The following ZNF462 variants were observed in gnomAD, a reference collection of about 807,000 sequenced individuals.
The protein encoded by ZNF462 is zinc finger protein 462, also known as zinc finger PBX1-interacting protein.
ZNF462 carries 10 observed loss-of-function variants against 201.9 expected under a neutral mutation model. The ratio of observed to expected loss-of-function variants is 0.05; its 90% CI spans 0.03 to 0.08. The LOEUF is 0.08. ZNF462 is among the 10% of genes least tolerant of loss of function. The pLI is 1.00. For missense variants in ZNF462, 2,523 were observed against 3,168.3 expected, an observed-to-expected ratio of 0.80 and a Z score of 4.89; for synonymous variants, 1,227 against 1,193.3, an observed-to-expected ratio of 1.03 and a Z score of -0.58.
chr9:106,898,343 C>T (rs1254251369), intron 1 of ZNF462, among the ~76,000 whole-genome samples: 1 of 152,166 alleles, frequency 6.6e-6, no homozygotes, highest in African/African-American at 2.4e-5. Context: ...GGGTCTACCC[C>T]AGCCTTGAGG....
Position 107,011,003 on chromosome 9 carries a change from G to A in ZNF462, c.7494G>A (p.Leu2498=). The part of the protein sequence containing the change: ...ICVVTADKSL[L]ENAEAKKE ...TAGTAACTGCCGACAAATCTCTCCT[G>A]GAGAATGCAGAGGCCAAAAAAGAAT... Residue 2498 remains leucine (L), a synonymous_variant, in exon 13 of 13, where the codon CTG becomes CTA. Coordinates refer to ENST00000277225, the MANE Select transcript of ZNF462 (RefSeq NM_021224.6). This position sits in a 1 kb window ranked among gnomAD's most constrained non-coding sequence, Gnocchi z 5.6. 6.2e-7 allele frequency: 1 copy of A among 1,613,588 alleles called. No homozygotes were observed. The highest frequency in any genetic ancestry group is 8.5e-7 in the Non-Finnish European group (1 of 1,179,858).
At chr9:106,988,889 A>G (rs1828053943) in intron 10 of ZNF462, among the ~76,000 whole-genome samples, 1 of 152,126 alleles carries the variant, frequency 6.6e-6, no homozygotes, top group Admixed American at 6.6e-5. Context: ...TTAATCTTGT[A>G]TCTGGAAACT....
intron 10 of ZNF462, among the ~76,000 whole-genome samples, chr9:106,988,389 A>T (rs1382098103): frequency 6.6e-6 from 1 of 151,870 alleles, no homozygotes; most frequent in African/African-American, 2.4e-5. Flanking sequence ...CTCCCACCAG[A>T]CCCCTCCCAC....
rs1828533016 is a variant in ZNF462, at chr9:106,890,566, T to G, written c.-31+27211T>G. 6.6e-6 allele frequency among the ~76,000 whole-genome samples: 1 copy of G among 152,208 alleles called. No individual in the cohort carries two copies. Among genetic ancestry groups the G allele is most frequent in the Non-Finnish European group, 1.5e-5 (1 of 68,042 alleles). The stretch of plus-strand genomic sequence containing the variant: ...TCAACTCCATTTGTAGTGAGAAACA[T>G]TTGAAGCTTGTCCCCACTCAACAAT... On this transcript the variant is annotated intron_variant, in intron 1 of 12. Transcript: ENST00000277225. The surrounding 1 kb of genome is among the most constrained non-coding windows in gnomAD (Gnocchi z 4.2).
At position 106,895,577 on chromosome 9, in the gene ZNF462, T is replaced by G. The variant is rs1828776232; in HGVS notation, c.-30-27777T>G. Among the ~76,000 whole-genome samples the G allele has an allele frequency of 6.6e-6, 1 of 152,160 alleles. No homozygotes were observed. Among genetic ancestry groups the G allele is most frequent in the African/African-American group, 2.4e-5 (1 of 41,450 alleles). On this transcript the variant is annotated intron_variant, in intron 1 of 12. Transcript: ENST00000277225. The surrounding 1 kb of genome is among the most constrained non-coding windows in gnomAD (Gnocchi z 4.4). ...GGATGATAAGAGATCCCTGTTTCTG[T>G]CCGAATGAAGGGAGGGAGGGAAGGC...
chr9:107,002,826 G>C (rs755433082), intron 10 of ZNF462, among the ~76,000 whole-genome samples: 1 of 152,196 alleles, frequency 6.6e-6, no homozygotes, highest in Admixed American at 6.5e-5. Context: ...GCAACACCCT[G>C]GTTGATGGGA....
intron 1 of ZNF462, among the ~76,000 whole-genome samples, chr9:106,909,835 GA>G (rs1829468258): frequency 6.6e-6 from 1 of 152,096 alleles, no homozygotes; most frequent in South Asian, 2.1e-4. Flanking sequence ...CCATTTTACT[GA>G]TTCAGTCTTA....
chr9:106,930,438 ATAAAG>A lies in ZNF462; in HGVS notation c.5848-84_5848-80del. On this transcript the variant is annotated intron_variant, in intron 3 of 12. Coordinates refer to ENST00000277225, the MANE Select transcript of ZNF462 (RefSeq NM_021224.6). The surrounding 1 kb of genome is among the most constrained non-coding windows in gnomAD (Gnocchi z 5.8). The stretch of plus-strand genomic sequence containing the variant: ...TTTTAACCTGCTAATCGGCTTTAAA[ATAAAG>A]TATGTTAGTAAACTGCAAGAATAAA... 6.5e-7 allele frequency: 1 copy of A among 1,531,596 alleles called. No individual in the cohort carries two copies. The highest frequency in any genetic ancestry group is 1.9e-5 in the Admixed American group (1 of 51,912). The allele number at this position is 1,531,596 out of a possible 1,614,324, so 94.9% of individuals were successfully genotyped here.
At position 107,011,184 on chromosome 9, in the gene ZNF462, TGTGA is replaced by T. The variant is rs1829908451; in HGVS notation, c.*161_*164del. 8 of 638,032 alleles carry T rather than the reference TGTGA, an allele frequency of 1.3e-5. No homozygotes were observed. The highest frequency in any genetic ancestry group is 1.0e-4 in the South Asian group (5 of 49,824). The allele number at this position is 638,032 out of a possible 1,614,324, so 39.5% of individuals were successfully genotyped here. Reference sequence around the variant, plus strand: ...TCTATTTTCAAAGCACTGGTACCTGTGTGAGTGAGTATGTAAATTAAAGTTATTT... The same window carrying T: ...TCTATTTTCAAAGCACTGGTACCTGTGTGAGTATGTAAATTAAAGTTATTT... On this transcript the variant is annotated 3_prime_UTR_variant, in exon 13 of 13. Coordinates refer to ENST00000277225, the MANE Select transcript of ZNF462 (RefSeq NM_021224.6). This position sits in a 1 kb window ranked among gnomAD's most constrained non-coding sequence, Gnocchi z 5.6.
intron 10 of ZNF462, among the ~76,000 whole-genome samples, chr9:107,001,115 A>G (rs1829155127): frequency 6.6e-6 from 1 of 152,156 alleles, no homozygotes; most frequent in Admixed American, 6.6e-5. Context: ...GAAGTGCAGG[A>G]GAAAGTGGCC....
chr9:106,938,187 T>A lies in ZNF462; in HGVS notation c.6236-729T>A, dbSNP rs966281064. Among the ~76,000 whole-genome samples, 4 of 152,230 alleles carry A rather than the reference T, an allele frequency of 2.6e-5. No individual in the cohort carries two copies. The highest frequency in any genetic ancestry group is 5.9e-5 in the Non-Finnish European group (4 of 68,044). On this transcript the variant is annotated intron_variant, in intron 6 of 12. Coordinates refer to ENST00000277225, the MANE Select transcript of ZNF462 (RefSeq NM_021224.6). The surrounding 1 kb of genome is among the most constrained non-coding windows in gnomAD (Gnocchi z 4.4). The stretch of plus-strand genomic sequence containing the variant: ...ATAAAATTAATTTTAAAAGTAGTGC[T>A]TATTTTTACTGAGAGGCAGTCTTTA...
chr9:106,995,769 C>G (rs1179613775), intron 10 of ZNF462: 3 of 152,124 alleles, frequency 2.0e-5, no homozygotes, highest in East Asian at 3.8e-4. Context: ...CTTTTATTCT[C>G]TCATTAACAA....
chr9:106,970,293 A>G lies in ZNF462; in HGVS notation c.6428-1712A>G, dbSNP rs1177355544. Among the ~76,000 whole-genome samples the G allele has an allele frequency of 1.3e-5, 2 of 152,112 alleles. No homozygotes were observed. The highest frequency in any genetic ancestry group is 1.5e-5 in the Non-Finnish European group (1 of 68,022). ...TGTGTGTGTGGCAGGTTTGTTTACA[A>G]TTTCCAAAGGGGTTTTTCTCAATCT... On this transcript the variant is annotated intron_variant, in intron 7 of 12. Transcript: ENST00000277225. This position sits in a 1 kb window ranked among gnomAD's most constrained non-coding sequence, Gnocchi z 4.2.
Position 106,984,769 on chromosome 9 carries a change from A to G in ZNF462, c.7056+360A>G, listed in dbSNP as rs1032924642. ...CTTATTCTAAAAGAAGTATTTTGCTATGTTATTTGAAATGTTAATACATTT... is the reference window on the plus strand; with the variant it reads ...CTTATTCTAAAAGAAGTATTTTGCTGTGTTATTTGAAATGTTAATACATTT... On this transcript the variant is annotated intron_variant, in intron 10 of 12. Coordinates refer to ENST00000277225, the MANE Select transcript of ZNF462 (RefSeq NM_021224.6). The surrounding 1 kb of genome is among the most constrained non-coding windows in gnomAD (Gnocchi z 6.4). 3.9e-5 allele frequency among the ~76,000 whole-genome samples: 6 copies of G among 152,230 alleles called. No individual in the cohort carries two copies. The highest frequency in any genetic ancestry group is 6.5e-5 in the Admixed American group (1 of 15,276).
intron 8 of ZNF462, 150 bp from the exon 9 acceptor site, chr9:106,973,987 G>T: frequency 1.0e-6 from 1 of 980,144 alleles, no homozygotes; most frequent in African/African-American, 1.6e-5. Flanking sequence ...GTTTCTGGGT[G>T]GTCAACAAAC....
In ZNF462 at chr9:106,928,246, C is replaced by T. The variant is rs1197576561; in HGVS notation, c.4334C>T (p.Pro1445Leu). 2 of 1,613,934 alleles carry T rather than the reference C, an allele frequency of 1.2e-6. No homozygotes were observed. Among genetic ancestry groups the T allele is most frequent in the Middle Eastern group, 1.7e-4 (1 of 6,056 alleles). Reference protein sequence around the residue: ...TPFPEQEAECPEDARLSPEKS... With the variant: ...TPFPEQEAECLEDARLSPEKS... Reference sequence around the variant, plus strand: ...TTCCCGGAGCAGGAAGCTGAATGTCCAGAGGATGCAAGACTGTCCCCTGAG... The same window carrying T: ...TTCCCGGAGCAGGAAGCTGAATGTCTAGAGGATGCAAGACTGTCCCCTGAG... Residue 1445 changes from proline to leucine, a missense_variant, in exon 3 of 13, where the codon CCA (proline) becomes CTA (leucine). Pro to Leu is a moderately conservative substitution (Grantham distance 98, BLOSUM62 -3). This residue lies in a region of ZNF462 where 165 missense variants were observed against 142.6 expected (regional missense o/e 1.16). Transcript: ENST00000277225. This position sits in a 1 kb window ranked among gnomAD's most constrained non-coding sequence, Gnocchi z 9.3.
In ZNF462 at chr9:106,927,217, C is replaced by A. The variant is rs376343711; in HGVS notation, c.3305C>A (p.Pro1102Gln). 1.9e-5 allele frequency: 30 copies of A among 1,590,522 alleles called. No homozygotes were observed. The highest frequency in any genetic ancestry group is 3.3e-5 in the South Asian group (3 of 90,232). The change falls in exon 3 of 13, where the codon CCA becomes CAA. Residue 1102 changes from proline (P) to glutamine (Q), a missense_variant. Pro to Gln is a moderately conservative substitution (Grantham distance 76). Transcript: ENST00000277225. ...TCCAACATGGGTTCCCCACCCCCCCCACAACCCCCGCCACCAGACCTCAGT... is the reference window on the plus strand; with the variant it reads ...TCCAACATGGGTTCCCCACCCCCCCAACAACCCCCGCCACCAGACCTCAGT... ...KMSNMGSPPP[P>Q]QPPPPDLSTE...
intron 10 of ZNF462, among the ~76,000 whole-genome samples, chr9:106,996,530 A>C (rs1438255916): frequency 6.6e-6 from 1 of 152,024 alleles, no homozygotes; most frequent in South Asian, 2.1e-4. Flanking sequence ...ATGGTATCTC[A>C]TTGTGGTTTT....
At position 106,927,001 on chromosome 9, in the gene ZNF462, A is replaced by T. The variant is rs753366894; in HGVS notation, c.3089A>T (p.Tyr1030Phe). The change falls in exon 3 of 13, where the codon TAT becomes TTT. Residue 1030 changes from tyrosine (Y) to phenylalanine (F), a missense_variant. Coordinates refer to ENST00000277225, the MANE Select transcript of ZNF462 (RefSeq NM_021224.6). ...KDPLVNTVVV[Y>F]DCDVCSFASP... ...CCTTTGGTCAACACTGTTGTTGTTT[A>T]TGATTGTGATGTTTGTTCGTTTGCA... 1.9e-6 allele frequency: 3 copies of T among 1,614,046 alleles called. No individual in the cohort carries two copies. In the East Asian group the frequency reaches 6.7e-5, roughly 36 times the overall value.
Sources: gnomAD v4.1 joint callset for allele counts (sites outside exome capture counted in the v4.1 genomes callset) on GRCh38, gnomAD v4.1.1 for gene constraint, gnomAD v4.1.1 regional missense constraint, Gnocchi (gnomAD v3.1) non-coding constraint, MANE v1.5 for transcripts, NCBI Gene and HGNC (gene_info 2026-07-23, HGNC 2026-07-21) for gene names.